CDC123: variants seen among roughly 807,000 people sequenced by gnomAD.
CDC123 encodes the protein translation initiation factor eIF2 assembly protein.
CDC123 carries 37 observed loss-of-function variants against 54.4 expected under a neutral mutation model. The ratio of observed to expected loss-of-function variants is 0.68; its 90% confidence interval spans 0.52 to 0.89. CDC123 has a LOEUF of 0.89. Among genes scored for constraint, CDC123 ranks in the 40% least tolerant of loss-of-function variants. The probability of loss-of-function intolerance (pLI) is 0.00; values close to 1 mark genes in which losing one functional copy is unlikely to be tolerated. For synonymous variants in CDC123, 144 were observed against 136.8 expected (o/e 1.05, Z -0.37); for missense variants, 361 against 412.1 (o/e 0.88, Z 1.07).
chr10:12,199,465 G>T (rs1205233941), intron 2 of CDC123, among the ~76,000 whole-genome samples: 1 of 152,080 alleles, frequency 6.6e-6, no homozygotes, highest in South Asian at 2.1e-4. Flanking sequence ...ATTGTTAATT[G>T]TTCCATTAGA....
At chr10:12,240,680 C>T (rs1259537214) in intron 10 of CDC123, among the ~76,000 whole-genome samples, 1 of 152,034 alleles carries the variant, frequency 6.6e-6, no homozygotes, top group Non-Finnish European at 1.5e-5. Flanking sequence ...TTGAGATCAG[C>T]CTGGGCTTAA....
intron 1 of CDC123, among the ~76,000 whole-genome samples, 186 bp downstream of exon 1, chr10:12,196,505 G>A (rs1835349626): frequency 6.6e-6 from 1 of 152,194 alleles, no homozygotes; most frequent in South Asian, 2.1e-4. Context: ...TGGCTAGGAG[G>A]GTCAGTTGTG....
At chr10:12,234,296 T>C (rs1296220118) in intron 7 of CDC123, among the ~76,000 whole-genome samples, 1 of 152,118 alleles carries the variant, frequency 6.6e-6, no homozygotes, top group Non-Finnish European at 1.5e-5. Flanking sequence ...GTTTCACATG[T>C]TGGAGCGCAA....
intron 6 of CDC123, 81 bp from the exon 7 acceptor site, chr10:12,230,867 A>G (rs1835892429): frequency 3.0e-5 from 39 of 1,296,150 alleles, no homozygotes; most frequent in South Asian, 2.2e-4. Flanking sequence ...CGTTACTCTC[A>G]TGTTAAATAT....
At chr10:12,225,744 CTCTTTTTTTTTT>C (rs1835803229) in intron 6 of CDC123, among the ~76,000 whole-genome samples, 1 of 76,908 alleles carries the variant, frequency 1.3e-5, no homozygotes, top group Non-Finnish European at 2.4e-5. Context: ...TCTAGCTTCT[CTCTTTTTTTTTT>C]TTTTTTTTTT....
intron 2 of CDC123, among the ~76,000 whole-genome samples, chr10:12,200,112 C>T (rs1411410161): frequency 1.1e-5 from 1 of 92,740 alleles, no homozygotes; most frequent in Non-Finnish European, 2.2e-5. Flanking sequence ...TGAGCCACCG[C>T]ACTCGGCATT....
intron 6 of CDC123, among the ~76,000 whole-genome samples, chr10:12,226,068 G>C (rs1009069919): frequency 2.0e-5 from 3 of 152,018 alleles, no homozygotes; most frequent in South Asian, 2.1e-4. Context: ...CAGAGAGCAC[G>C]GGGTTGGGGG....
chr10:12,221,142 A>G (rs930707087), intron 6 of CDC123, among the ~76,000 whole-genome samples: 2 of 151,992 alleles, frequency 1.3e-5, no homozygotes, highest in African/African-American at 2.4e-5. Flanking sequence ...GACTTGACAA[A>G]AAAAAAATGT....
At chr10:12,213,341 T>C (rs1835627023) in intron 4 of CDC123, among the ~76,000 whole-genome samples, 1 of 152,232 alleles carries the variant, frequency 6.6e-6, no homozygotes, top group African/African-American at 2.4e-5. Context: ...CTGTCACAGC[T>C]GCGCAGCCTG....
At chr10:12,200,120 A>ACTTTTTTTTTTTTTT in intron 2 of CDC123, among the ~76,000 whole-genome samples, 1 of 59,368 alleles carries the variant, frequency 1.7e-5, no homozygotes, top group African/African-American at 6.0e-5. Flanking sequence ...CGCACTCGGC[A>ACTTTTTTTTTTTTTT]TTTTTTTTTT....
chr10:12,205,303 T>C (rs1287829526), intron 2 of CDC123, among the ~76,000 whole-genome samples: 1 of 152,188 alleles, frequency 6.6e-6, no homozygotes, highest in Non-Finnish European at 1.5e-5. Context: ...TGTACCACAT[T>C]TTCTTTATCC....
intron 6 of CDC123, among the ~76,000 whole-genome samples, chr10:12,229,926 T>C (rs1835874881): frequency 6.6e-6 from 1 of 152,206 alleles, no homozygotes; most frequent in South Asian, 2.1e-4. Flanking sequence ...GGCTGCTGGC[T>C]CCACTGTAAG....
intron 1 of CDC123, among the ~76,000 whole-genome samples, chr10:12,197,914 T>G (rs937208736): frequency 1.3e-5 from 2 of 152,170 alleles, no homozygotes; most frequent in African/African-American, 4.8e-5. Flanking sequence ...AAATGAGACA[T>G]GTTATAAGTC....
intron 1 of CDC123, 32 bp downstream of exon 1, chr10:12,196,351 G>A: frequency 1.2e-6 from 2 of 1,613,630 alleles, no homozygotes; most frequent in Non-Finnish European, 1.7e-6. Context: ...CCGGTCGACC[G>A]GCAAAAGGGA....
chr10:12,202,813 G>T (rs1011100958), intron 2 of CDC123, among the ~76,000 whole-genome samples: 9 of 152,342 alleles, frequency 5.9e-5, no homozygotes, highest in African/African-American at 2.2e-4. Context: ...TTAGGAATTT[G>T]AGACCGGCTT....
chr10:12,246,445 G>A, intron 11 of CDC123, 168 bp downstream of exon 11: 1 of 671,706 alleles, frequency 1.5e-6, no homozygotes, highest in Non-Finnish European at 2.4e-6. Context: ...TCAAAGAAGG[G>A]GGCCCCACTT....
At chr10:12,228,430 G>T (rs1835857322) in intron 6 of CDC123, among the ~76,000 whole-genome samples, 3 of 149,468 alleles carry the variant, frequency 2.0e-5, no homozygotes, top group Admixed American at 6.7e-5. Context: ...TTTTGAAACG[G>T]TGTCTTACTC....
chr10:12,227,731 C>T (rs915369712), intron 6 of CDC123, among the ~76,000 whole-genome samples: 1 of 151,914 alleles, frequency 6.6e-6, no homozygotes, highest in African/African-American at 2.4e-5. Context: ...CTCCTGACCT[C>T]GTGATCCGCC....
At chr10:12,230,508 G>A (rs1435196091) in intron 6 of CDC123, among the ~76,000 whole-genome samples, 2 of 152,202 alleles carry the variant, frequency 1.3e-5, no homozygotes, top group African/African-American at 4.8e-5. Context: ...TACATGGCAT[G>A]TTTTGATACA....
Sources: gnomAD v4.1 joint callset for allele counts (sites outside exome capture counted in the v4.1 genomes callset) on GRCh38, gnomAD v4.1.1 for gene constraint, MANE v1.5 for transcripts, NCBI Gene and HGNC (gene_info 2026-07-23, HGNC 2026-07-21) for gene names.